The following KRT78 variants were observed in gnomAD, a reference collection of about 807,000 sequenced individuals.
The protein encoded by KRT78 is keratin 78.
In KRT78, 55 loss-of-function variants were observed where a neutral mutation model predicts 51.4. The observed-to-expected ratio is 1.07, with a 90% CI of 0.86 to 1.34. The LOEUF is 1.34. Among genes scored for constraint, KRT78 ranks in the 40% most tolerant of loss-of-function variants. The pLI is 0.00. For synonymous variants in KRT78, 291 were observed against 264.3 expected, an observed-to-expected ratio of 1.10 and a Z score of -0.98; for missense variants, 652 against 649.4, an observed-to-expected ratio of 1.00 and a Z score of -0.04.
rs12809776 is a variant in KRT78 at position 52,846,266 on chromosome 12, C to T, written c.687G>A (p.Lys229=). ...CCTCCAGCTTGCCCTCCAACTCCAT[C>T]TTGCTCAGGAAAACCCCATCCACAT... is the stretch of plus-strand genomic sequence containing the variant. ...KKDVDGVFLS[K]MELEGKLEAL... Residue 229 remains lysine (K), a synonymous_variant, in exon 4 of 9, where the codon AAG becomes AAA. Transcript: ENST00000304620. 6.2e-7 allele frequency: 1 copy of T among 1,613,812 alleles called. No individual in the cohort carries two copies.
At chr12:52,843,172 G>A (rs1490821075) in intron 6 of KRT78, among the ~76,000 whole-genome samples, 1 of 150,900 alleles carries the variant, frequency 6.6e-6, no homozygotes, top group Non-Finnish European at 1.5e-5. Flanking sequence ...TTTGAGACCA[G>A]CCTGGCCAAC....
intron 3 of KRT78, 107 bp from the exon 4 acceptor site, chr12:52,846,399 C>T (rs1158555717): frequency 2.6e-6 from 2 of 757,060 alleles, no homozygotes; most frequent in African/African-American, 1.7e-5. Flanking sequence ...TCCACCATGC[C>T]TCCCAAGACC....
rs190414074 is a variant in KRT78, at chr12:52,842,382, G to A, written c.1047+1711C>T. Among the ~76,000 whole-genome samples, 21 of 152,276 alleles carry A rather than the reference G, an allele frequency of 1.4e-4. No individual in the cohort carries two copies. In the East Asian group the frequency reaches 4.1e-3, roughly 29 times the overall value. On this transcript the variant is annotated intron_variant, in intron 6 of 8. Coordinates refer to ENST00000304620, the MANE Select transcript of KRT78 (RefSeq NM_173352.4). ...AATTCATAACACTTCACATCTAGAA[G>A]TGAGGTCTCTACACCGCAGGAGGAG...
chr12:52,840,131 C>T, intron 6 of KRT78, 147 bp from the exon 7 acceptor site: 2 of 613,738 alleles, frequency 3.3e-6, no homozygotes, highest in Non-Finnish European at 5.7e-6. Flanking sequence ...ACCAACACCA[C>T]CCCTGCAACA....
chr12:52,840,130 A>C, intron 6 of KRT78, 146 bp from the exon 7 acceptor site: 1 of 603,748 alleles, frequency 1.7e-6, no homozygotes, highest in Non-Finnish European at 2.9e-6. Flanking sequence ...TACCAACACC[A>C]CCCCTGCAAC....
chr12:52,844,057 C>A, intron 6 of KRT78, 36 bp downstream of exon 6: 1 of 1,609,462 alleles, frequency 6.2e-7, no homozygotes. Flanking sequence ...GGCACAAAGG[C>A]AATGAGAGGA....
chr12:52,847,560 A>T (rs753337842), intron 2 of KRT78, among the ~76,000 whole-genome samples: 2 of 152,216 alleles, frequency 1.3e-5, no homozygotes, highest in African/African-American at 2.4e-5. Flanking sequence ...CAGCCCGCTG[A>T]ACAGGAATTT....
intron 6 of KRT78, among the ~76,000 whole-genome samples, chr12:52,841,331 A>G (rs577675027): frequency 1.3e-5 from 2 of 151,752 alleles, no homozygotes. Flanking sequence ...AAAATAAAAA[A>G]AAAAAATTAG....
intron 3 of KRT78, 25 bp from the exon 4 acceptor site, chr12:52,846,317 C>T (rs10876361): frequency 0.04 from 56,417 of 1,412,156 alleles, 6,924 homozygotes; most frequent in African/African-American, 0.39. Flanking sequence ...AGAGAGAACA[C>T]GTAACCCCCT....
chr12:52,839,432 C>T lies in KRT78; in HGVS notation c.1303+21G>A, dbSNP rs759273921. ...TCAGCTCCCCATGGGGATCCCATCCCTAAAGTCCCCTGATACTCACAGATA... is the reference window on the plus strand; with the variant it reads ...TCAGCTCCCCATGGGGATCCCATCCTTAAAGTCCCCTGATACTCACAGATA... On this transcript the variant is annotated intron_variant, in intron 8 of 8. Transcript: ENST00000304620. 6 of 1,610,032 alleles carry T rather than the reference C, an allele frequency of 3.7e-6. No individual in the cohort carries two copies. In the African/African-American group the frequency reaches 8.0e-5, roughly 22 times the overall value.
chr12:52,841,970 C>T (rs1212143766), intron 6 of KRT78, among the ~76,000 whole-genome samples: 1 of 152,188 alleles, frequency 6.6e-6, no homozygotes, highest in Non-Finnish European at 1.5e-5. Context: ...TTCTGGGCCC[C>T]ATCCTTAGAG....
In KRT78 at chr12:52,838,675, G is replaced by A; in HGVS notation, c.*438C>T. 1 of 175,174 alleles carries A rather than the reference G, an allele frequency of 5.7e-6. No individual in the cohort carries two copies. Among genetic ancestry groups the A allele is most frequent in the Non-Finnish European group, 1.2e-5 (1 of 81,778 alleles). 10.9% of individuals were successfully genotyped at this position (175,174 alleles called of 1,614,324 possible). ...AGAAGGAGGAACAAGAAGGAAGGGG[G>A]CTGCCCCAGTCAGGACTAGAACCTC... On this transcript the variant is annotated 3_prime_UTR_variant, in exon 9 of 9. Coordinates refer to ENST00000304620, the MANE Select transcript of KRT78 (RefSeq NM_173352.4).
rs1469242628 is a variant in KRT78 at position 52,838,110 on chromosome 12, A to T, written c.*1003T>A. 6.6e-6 allele frequency: 1 copy of T among 152,172 alleles called. No homozygotes were observed. Among genetic ancestry groups the T allele is most frequent in the Non-Finnish European group, 1.5e-5 (1 of 68,036 alleles). 9.4% of individuals were successfully genotyped at this position (152,172 alleles called of 1,614,324 possible). A position where few individuals can be genotyped will look rare whatever the true frequency, so the allele number is the denominator to read the frequency against. Reference sequence around the variant, plus strand: ...GAGGAAAGGTCTGCCCTCCCTCTAAAGCAAGGAGAGGCGTAGTGTGACCTC... The same window carrying T: ...GAGGAAAGGTCTGCCCTCCCTCTAATGCAAGGAGAGGCGTAGTGTGACCTC... On this transcript the variant is annotated 3_prime_UTR_variant, in exon 9 of 9. Transcript: ENST00000304620.
chr12:52,848,822 T>G lies in KRT78; in HGVS notation c.109A>C (p.Ser37Arg), dbSNP rs1297297773. Reference sequence around the variant, plus strand: ...CCAAAGGAATTAAGGCTCCTGCTGCTGAAGCCGCCCCTGCTGCTGAAGCCT... The same window carrying G: ...CCAAAGGAATTAAGGCTCCTGCTGCGGAAGCCGCCCCTGCTGCTGAAGCCT... The part of the protein sequence containing the change: ...RGGFSSRGGF[S>R]SRSLNSFGGC... The change falls in exon 1 of 9, where the codon AGC (serine) becomes CGC (arginine). Residue 37 changes from serine (S) to arginine (R), a missense_variant. By Grantham distance (110) the Ser-to-Arg change is moderately radical. Transcript: ENST00000304620. 5.0e-6 allele frequency: 8 copies of G among 1,608,088 alleles called. No individual in the cohort carries two copies. The highest frequency in any genetic ancestry group is 6.8e-6 in the Non-Finnish European group (8 of 1,179,668).
intron 6 of KRT78, among the ~76,000 whole-genome samples, chr12:52,843,002 G>GAAGT (rs1940544264): frequency 1.7e-4 from 17 of 98,654 alleles, no homozygotes; most frequent in African/African-American, 5.8e-4. Flanking sequence ...AGGAAGGAAG[G>GAAGT]AAGGAAGGAG....
chr12:52,844,351 A>T (rs1940590255), intron 5 of KRT78, 133 bp from the exon 6 acceptor site: 1 of 1,209,574 alleles, frequency 8.3e-7, no homozygotes, highest in Admixed American at 2.4e-5. Context: ...ACACAGTGGG[A>T]TATACTTCCA....
At chr12:52,847,557 C>A (rs2120429419) in intron 2 of KRT78, among the ~76,000 whole-genome samples, 1 of 152,328 alleles carries the variant, frequency 6.6e-6, no homozygotes, top group East Asian at 1.9e-4. Context: ...CCACAGCCCG[C>A]TGAACAGGAA....
chr12:52,847,846 AC>A (rs1940677579), intron 2 of KRT78, 60 bp downstream of exon 2: 1 of 1,494,244 alleles, frequency 6.7e-7, no homozygotes, highest in African/African-American at 1.4e-5. Flanking sequence ...TGGCTGACAG[AC>A]CCAAACTGAG....
chr12:52,848,790 G>T lies in KRT78; in HGVS notation c.141C>A (p.Cys47Ter). ...SSRSLNSFGG[C>*]LEGSRGSTWG... ...AGGTACTCCCACGAGAGCCTTCCAG[G>T]CACCCCCCAAAGGAATTAAGGCTCC... Residue 47 changes from cysteine (C) to a stop codon, truncating the protein, a stop_gained, in exon 1 of 9, where the codon TGC becomes TGA. Coordinates refer to ENST00000304620, the MANE Select transcript of KRT78 (RefSeq NM_173352.4). LOFTEE classifies it high-confidence loss of function. The T allele has an allele frequency of 6.2e-7, 1 of 1,612,602 alleles. No homozygotes were observed. The highest frequency in any genetic ancestry group is 1.1e-5 in the South Asian group (1 of 90,950).
Sources: allele counts gnomAD v4.1 joint callset (sites outside exome capture counted in the v4.1 genomes callset), GRCh38; gene constraint gnomAD v4.1.1; transcripts MANE v1.5; gene names NCBI Gene and HGNC (gene_info 2026-07-23, HGNC 2026-07-21).